ZFAND4: variants seen among roughly 807,000 people sequenced by gnomAD.
The protein encoded by ZFAND4 is AN1-type zinc finger protein 4.
ZFAND4 carries 43 observed loss-of-function variants against 64.4 expected under a neutral mutation model. The ratio of observed to expected loss-of-function variants is 0.67; its 90% CI spans 0.52 to 0.86. ZFAND4 has a LOEUF of 0.86. Among genes scored for constraint, ZFAND4 ranks in the 40% least tolerant of loss-of-function variants. The pLI, the probability that ZFAND4 is intolerant of heterozygous loss-of-function variation, is 0.00. For missense variants in ZFAND4, 929 were observed against 859.8 expected (o/e 1.08, Z -1.01); for synonymous variants, 296 against 305.7 (o/e 0.97, Z 0.33).
intron 8 of ZFAND4, among the ~76,000 whole-genome samples, chr10:45,621,120 G>A (rs533564285): frequency 3.9e-5 from 6 of 152,140 alleles, no homozygotes; most frequent in Admixed American, 1.3e-4. Flanking sequence ...TGTTCCAGAC[G>A]CAAGGCTGGT....
chr10:45,616,540 A>G lies in ZFAND4; in HGVS notation c.2080T>C (p.Tyr694His). The part of the protein sequence containing the change: ...CGNNFCASHR[Y>H]AETHGCTYDY... ...TAGGTACAGCCATGAGTTTCTGCAT[A>G]ACGATGAGATGCACAGAAGTTGTTT... Residue 694 changes from tyrosine (Y) to histidine (H), a missense_variant, in exon 10 of 10, where the codon TAT (tyrosine) becomes CAT (histidine). Coordinates refer to ENST00000344646, the MANE Select transcript of ZFAND4 (RefSeq NM_174890.4). 1.9e-6 allele frequency: 3 copies of G among 1,614,174 alleles called. No individual in the cohort carries two copies. The highest frequency in any genetic ancestry group is 2.5e-6 in the Non-Finnish European group (3 of 1,180,018).
At chr10:45,642,065 A>C (rs2047036115) in intron 5 of ZFAND4, among the ~76,000 whole-genome samples, 1 of 152,232 alleles carries the variant, frequency 6.6e-6, no homozygotes, top group Non-Finnish European at 1.5e-5. Context: ...TACCTGAAGA[A>C]GGGTGCATGA....
intron 2 of ZFAND4, among the ~76,000 whole-genome samples, chr10:45,660,023 A>G (rs1055722395): frequency 7.9e-5 from 12 of 152,052 alleles, no homozygotes; most frequent in African/African-American, 2.9e-4. Flanking sequence ...TAAAATACAA[A>G]AAATTAGCCG....
intron 1 of ZFAND4, among the ~76,000 whole-genome samples, chr10:45,664,413 C>T (rs928964775): frequency 2.6e-5 from 4 of 151,806 alleles, no homozygotes; most frequent in African/African-American, 9.7e-5. Context: ...GGATTACAGG[C>T]ACCCACCACC....
intron 9 of ZFAND4, among the ~76,000 whole-genome samples, chr10:45,616,838 T>A (rs1289686094): frequency 1.3e-5 from 2 of 152,196 alleles, no homozygotes; most frequent in Non-Finnish European, 2.9e-5. Context: ...CTCAAGCCTG[T>A]AATCCCAGCA....
rs999703990 is a variant in ZFAND4, at chr10:45,672,247, T to C, written c.-118+3A>G. On this transcript the variant is annotated splice_donor_region_variant and intron_variant, in intron 1 of 9. Transcript: ENST00000344646. ...CATCTCCTCGCGCCATCCAGGTACC[T>C]ACACACTTGAGGCCACCGAGTCACC... 1 of 152,332 alleles carries C rather than the reference T, an allele frequency of 6.6e-6. No homozygotes were observed. The highest frequency in any genetic ancestry group is 2.4e-5 in the African/African-American group (1 of 41,450). The allele number at this position is 152,332 out of a possible 1,614,324, so 9.4% of individuals were successfully genotyped here.
chr10:45,620,405 C>T (rs1308396286), intron 8 of ZFAND4, among the ~76,000 whole-genome samples: 3 of 152,090 alleles, frequency 2.0e-5, no homozygotes, highest in African/African-American at 7.2e-5. Flanking sequence ...CACTTCAACC[C>T]GCGAGGAAGA....
chr10:45,667,696 T>C (rs1373994419), intron 1 of ZFAND4, among the ~76,000 whole-genome samples: 1 of 152,150 alleles, frequency 6.6e-6, no homozygotes, highest in African/African-American at 2.4e-5. Flanking sequence ...CTCGAACTGC[T>C]GACCTCAGGT....
At chr10:45,670,632 G>A (rs1235786737) in intron 1 of ZFAND4, among the ~76,000 whole-genome samples, 1 of 152,206 alleles carries the variant, frequency 6.6e-6, no homozygotes, top group East Asian at 1.9e-4. Context: ...CTAGCCATAT[G>A]TAGAAAGCTG....
At chr10:45,644,596 G>C (rs900898092) in intron 5 of ZFAND4, among the ~76,000 whole-genome samples, 1 of 152,208 alleles carries the variant, frequency 6.6e-6, no homozygotes, top group East Asian at 1.9e-4. Context: ...AGCAGTTGAG[G>C]AAGTATGTCC....
rs1055566100 is a variant in ZFAND4 at position 45,646,839 on chromosome 10, C to A, written c.569+1455G>T. On this transcript the variant is annotated intron_variant, in intron 5 of 9. Transcript: ENST00000344646. The stretch of plus-strand genomic sequence containing the variant: ...TTCTATTAATGGCCTAAGGCTGTAA[C>A]CCTCACTGCTACCTCCTCCATTTCT... Among the ~76,000 whole-genome samples, 13 of 152,304 alleles carry A rather than the reference C, an allele frequency of 8.5e-5. No individual in the cohort carries two copies. The East Asian group carries it at 1.2e-3, about 14-fold the overall frequency.
intron 1 of ZFAND4, among the ~76,000 whole-genome samples, chr10:45,669,526 T>TTTATG (rs2049043800): frequency 6.6e-6 from 1 of 152,162 alleles, no homozygotes; most frequent in Non-Finnish European, 1.5e-5. Context: ...CCTAACTCAT[T>TTTATG]TTATGAGGCC....
intron 1 of ZFAND4, among the ~76,000 whole-genome samples, chr10:45,669,564 A>G (rs2049045919): frequency 6.6e-6 from 1 of 152,218 alleles, no homozygotes; most frequent in Non-Finnish European, 1.5e-5. Context: ...AAAGCCTGGC[A>G]GACACACAAC....
intron 6 of ZFAND4, among the ~76,000 whole-genome samples, chr10:45,630,305 G>A (rs998405651): frequency 1.3e-5 from 2 of 152,188 alleles, no homozygotes; most frequent in East Asian, 1.9e-4. Context: ...AAAGTAATAG[G>A]AGGATACGAA....
Position 45,616,266 on chromosome 10 carries a change from G to C in ZFAND4, c.*170C>G, listed in dbSNP as rs781650311. 2.4e-5 allele frequency: 22 copies of C among 898,732 alleles called. No homozygotes were observed. Among genetic ancestry groups the C allele is most frequent in the Middle Eastern group, 2.8e-4 (1 of 3,622 alleles). 55.7% of individuals were successfully genotyped at this position (898,732 alleles called of 1,614,324 possible). ...ACTTTTAAAACTTTTGTTTCACCAA[G>C]AAATAAAGATGTAAAATACAGTAGC... On this transcript the variant is annotated 3_prime_UTR_variant, in exon 10 of 10. Coordinates refer to ENST00000344646, the MANE Select transcript of ZFAND4 (RefSeq NM_174890.4).
At chr10:45,664,558 T>C (rs544619330) in intron 1 of ZFAND4, among the ~76,000 whole-genome samples, 1 of 147,184 alleles carries the variant, frequency 6.8e-6, no homozygotes, top group South Asian at 2.4e-4. Flanking sequence ...TGAGCCACCA[T>C]GCCTACTCCT....
rs1441907887 is a variant in ZFAND4 at position 45,639,912 on chromosome 10, A to C, written c.621T>G (p.Pro207=). ...SDTDEDEETE[P]SSSGQQIIEN... ...CAATTATCTGTTGCCCAGAAGAAGA[A>C]GGCTCAGTTTCTTCATCCTCATCTG... Residue 207 remains proline, a synonymous_variant, in exon 6 of 10, where the codon CCT becomes CCG. Transcript: ENST00000344646. 7.4e-6 allele frequency: 12 copies of C among 1,613,484 alleles called. No individual in the cohort carries two copies. Among genetic ancestry groups the C allele is most frequent in the East Asian group, 2.2e-5 (1 of 44,852 alleles).
In ZFAND4 at chr10:45,626,163, T is replaced by A. The variant is rs765370078; in HGVS notation, c.1660A>T (p.Asn554Tyr). The A allele has an allele frequency of 5.0e-6, 8 of 1,614,172 alleles. No individual in the cohort carries two copies. The East Asian group carries it at 1.8e-4, about 36-fold the overall frequency. The change falls in exon 7 of 10, where the codon AAC (asparagine) becomes TAC (tyrosine). Residue 554 changes from asparagine to tyrosine, a missense_variant. Transcript: ENST00000344646. ...CCAACAGGCTCTTTGGAAGCCTTGTTAGTCATTTCTGTGATATCCCGAGCC... is the reference window on the plus strand; with the variant it reads ...CCAACAGGCTCTTTGGAAGCCTTGTAAGTCATTTCTGTGATATCCCGAGCC... ...VEARDITEMT[N>Y]KASKEPVGCV...
intron 6 of ZFAND4, among the ~76,000 whole-genome samples, chr10:45,637,086 A>G: frequency 6.6e-6 from 1 of 151,946 alleles, no homozygotes; most frequent in Non-Finnish European, 1.5e-5. Context: ...CGCTCCTGTA[A>G]TCCCAACACT....
Sources: allele counts gnomAD v4.1 joint callset (sites outside exome capture counted in the v4.1 genomes callset), GRCh38; gene constraint gnomAD v4.1.1; transcripts MANE v1.5; gene names NCBI Gene and HGNC (gene_info 2026-07-23, HGNC 2026-07-21).